PPP4R2: variants seen among roughly 807,000 people sequenced by gnomAD.
PPP4R2 encodes the protein protein phosphatase 4 regulatory subunit 2.
PPP4R2 carries 13 observed loss-of-function variants against 47.2 expected under a neutral mutation model. That is an observed-to-expected ratio of 0.28 (90% CI 0.18 to 0.44). The LOEUF (loss-of-function observed/expected upper bound fraction) is 0.44, where lower values mean the gene tolerates loss of function less well. Ranked by LOEUF, PPP4R2 falls within the 20% of genes least tolerant of loss-of-function variation. PPP4R2 has a pLI of 1.00. For missense variants in PPP4R2, 421 were observed against 491.2 expected, an observed-to-expected ratio of 0.86 and a Z score of 1.35; for synonymous variants, 151 against 163.3, an observed-to-expected ratio of 0.92 and a Z score of 0.57.
At chr3:73,026,871 A>G (rs1216835728) in intron 2 of PPP4R2, among the ~76,000 whole-genome samples, 2 of 152,140 alleles carry the variant, frequency 1.3e-5, no homozygotes, top group Admixed American at 1.3e-4. Context: ...TAGAGTATGG[A>G]TTCTGAAGCC....
intron 2 of PPP4R2, among the ~76,000 whole-genome samples, chr3:73,030,682 TTA>T (rs1261684316): frequency 2.0e-5 from 3 of 151,594 alleles, no homozygotes; most frequent in Non-Finnish European, 2.9e-5. Context: ...GAGGGAGTGA[TTA>T]TATTTTTTTT....
chr3:73,007,299 GTTCT>G (rs1223142359), intron 2 of PPP4R2, among the ~76,000 whole-genome samples: 9 of 152,162 alleles, frequency 5.9e-5, no homozygotes, highest in Non-Finnish European at 1.2e-4. Context: ...ACAGTTTGAA[GTTCT>G]TTGTGTTCAG....
intron 2 of PPP4R2, among the ~76,000 whole-genome samples, chr3:72,999,409 A>C (rs1051060444): frequency 6.6e-6 from 1 of 152,256 alleles, no homozygotes; most frequent in Admixed American, 6.5e-5. Context: ...ATAAATGCTT[A>C]GACTGCCACT....
chr3:73,025,434 T>C (rs1276197013), intron 2 of PPP4R2, among the ~76,000 whole-genome samples: 1 of 152,222 alleles, frequency 6.6e-6, no homozygotes, highest in East Asian at 1.9e-4. Context: ...TTCTTGATAC[T>C]GTAGCTTCTG....
chr3:73,025,607 A>G (rs976744546), intron 2 of PPP4R2, among the ~76,000 whole-genome samples: 1 of 152,138 alleles, frequency 6.6e-6, no homozygotes, highest in Non-Finnish European at 1.5e-5. Flanking sequence ...AATATTTAGC[A>G]GTGCATCATG....
At chr3:73,051,940 CCCT>C in intron 3 of PPP4R2, among the ~76,000 whole-genome samples, 1 of 152,186 alleles carries the variant, frequency 6.6e-6, no homozygotes, top group South Asian at 2.1e-4. Flanking sequence ...ACAGATTTTT[CCCT>C]CTTTGAAGTG....
chr3:73,035,637 ATTTTTGAGATGGAG>A (rs894030145), intron 2 of PPP4R2, among the ~76,000 whole-genome samples: 6 of 151,162 alleles, frequency 4.0e-5, no homozygotes, highest in African/African-American at 1.5e-4. Context: ...TTTTTTTTCC[ATTTTTGAGATGGAG>A]TTTCGCTCTG....
Position 73,013,368 on chromosome 3 carries a change from AGT to A in PPP4R2, c.116+15213_116+15214del, listed in dbSNP as rs1701761652. 2.0e-5 allele frequency among the ~76,000 whole-genome samples: 3 copies of A among 152,216 alleles called. No homozygotes were observed. In the South Asian group the frequency reaches 6.2e-4, roughly 32 times the overall value. On this transcript the variant is annotated intron_variant, in intron 2 of 8. Transcript: ENST00000356692. ...ATTTGGTGAGAATAACTGCATTTTG[AGT>A]GTAATGGATCACACAAATTAGGTAA...
chr3:73,062,029 G>A, intron 5 of PPP4R2: 6 of 1,301,746 alleles, frequency 4.6e-6, no homozygotes, highest in Admixed American at 5.8e-5. Flanking sequence ...ATGAACGTGA[G>A]GTATTTTGGA....
chr3:73,049,060 T>C (rs1191088283), intron 3 of PPP4R2, among the ~76,000 whole-genome samples: 1 of 152,198 alleles, frequency 6.6e-6, no homozygotes, highest in Non-Finnish European at 1.5e-5. Flanking sequence ...TATGTGTATA[T>C]TTCCATATCA....
At chr3:72,998,053 G>A (rs1004738197) in intron 1 of PPP4R2, 24 bp from the exon 2 acceptor site, 1 of 1,496,860 alleles carries the variant, frequency 6.7e-7, no homozygotes, top group Non-Finnish European at 9.2e-7. Context: ...AACTGATAAC[G>A]TTTTTTTTTC....
chr3:73,036,714 ACATTCCAGATG>A (rs1011195757), intron 2 of PPP4R2, among the ~76,000 whole-genome samples: 70 of 152,338 alleles, frequency 4.6e-4, no homozygotes, highest in African/African-American at 1.4e-3. Flanking sequence ...AGTATGAGAT[ACATTCCAGATG>A]CATTCCAGAT....
At chr3:73,027,294 A>AT (rs1375336599) in intron 2 of PPP4R2, among the ~76,000 whole-genome samples, 1 of 152,042 alleles carries the variant, frequency 6.6e-6, no homozygotes, top group Non-Finnish European at 1.5e-5. Flanking sequence ...TGCCTGGCTA[A>AT]TTTTTTGCAT....
At chr3:73,034,589 G>A (rs1026819548) in intron 2 of PPP4R2, among the ~76,000 whole-genome samples, 5 of 152,154 alleles carry the variant, frequency 3.3e-5, no homozygotes, top group African/African-American at 7.2e-5. Context: ...CTGCAGTGCA[G>A]TGGCACAGTC....
In PPP4R2 at chr3:73,041,198, C is replaced by T. The variant is rs139471044; in HGVS notation, c.117-5988C>T. Among the ~76,000 whole-genome samples the T allele has an allele frequency of 5.2e-3, 794 of 152,180 alleles. 7 individuals carry two copies. The highest frequency in any genetic ancestry group is 0.018 in the African/African-American group (758 of 41,506). On this transcript the variant is annotated intron_variant, in intron 2 of 8. Coordinates refer to ENST00000356692, the MANE Select transcript of PPP4R2 (RefSeq NM_174907.4). ...TCATATATGTGTGGGTGTGCTTCTC[C>T]GCTCTCTTCTGTTCCACTGATCTAT...
At chr3:73,029,726 G>C (rs1702134096) in intron 2 of PPP4R2, among the ~76,000 whole-genome samples, 1 of 152,176 alleles carries the variant, frequency 6.6e-6, no homozygotes, top group African/African-American at 2.4e-5. Context: ...CTCCAGACTG[G>C]ATGAGATCAC....
intron 2 of PPP4R2, among the ~76,000 whole-genome samples, chr3:73,037,081 A>G (rs1237014898): frequency 1.3e-5 from 2 of 152,146 alleles, no homozygotes; most frequent in Admixed American, 6.6e-5. Context: ...TCTTTGCTGT[A>G]TATCACATGG....
At chr3:73,022,342 T>C (rs1181586049) in intron 2 of PPP4R2, among the ~76,000 whole-genome samples, 1 of 152,072 alleles carries the variant, frequency 6.6e-6, no homozygotes, top group East Asian at 1.9e-4. Context: ...GATTTTTAAA[T>C]AAGCTTAGGT....
intron 2 of PPP4R2, among the ~76,000 whole-genome samples, chr3:73,017,301 C>T: frequency 1.3e-5 from 2 of 152,232 alleles, no homozygotes; most frequent in East Asian, 1.9e-4. Context: ...CTTCATTAAC[C>T]ACAGGTAACC....
Sources: gnomAD v4.1 joint callset for allele counts (sites outside exome capture counted in the v4.1 genomes callset) on GRCh38, gnomAD v4.1.1 for gene constraint, MANE v1.5 for transcripts, NCBI Gene and HGNC (gene_info 2026-07-23, HGNC 2026-07-21) for gene names.